The following SETD7 variants were observed in gnomAD, a reference collection of about 807,000 sequenced individuals.
The protein encoded by SETD7 is SET domain containing 7, histone lysine methyltransferase.
A neutral mutation model predicts 41.8 loss-of-function variants in SETD7; 16 were observed. The ratio of observed to expected loss-of-function variants is 0.38; its 90% CI spans 0.26 to 0.58. SETD7 has a LOEUF of 0.58. SETD7 is among the 20% of genes least tolerant of loss of function. The pLI is 0.64. For synonymous variants in SETD7, 163 were observed against 169.7 expected (o/e 0.96, Z 0.31); for missense variants, 346 against 459.7 (o/e 0.75, Z 2.26).
intron 7 of SETD7, among the ~76,000 whole-genome samples, chr4:139,500,342 C>A (rs1726545487): frequency 6.6e-6 from 1 of 152,186 alleles, no homozygotes; most frequent in South Asian, 2.1e-4. Context: ...CCCACTCCAG[C>A]CTATTCTCAG....
Position 139,529,200 on chromosome 4 carries a change from T to A in SETD7, c.393A>T (p.Gly131=). ...IYYPDGGSLV[G]EVNEDGEMTG... ...TCATCTCCCCATCTTCATTTACTTC[T>A]CCTACAAGGCTTCCTCCATCCTGAT... The change falls in exon 4 of 8, where the codon GGA becomes GGT. Residue 131 remains glycine, a synonymous_variant. Transcript: ENST00000274031. 1 of 1,613,348 alleles carries A rather than the reference T, an allele frequency of 6.2e-7. No homozygotes were observed. The highest frequency in any genetic ancestry group is 1.1e-5 in the South Asian group (1 of 90,956).
In SETD7 at chr4:139,556,114, C is replaced by T; in HGVS notation, c.24G>A (p.Val8=). 6.2e-7 allele frequency: 1 copy of T among 1,604,968 alleles called. No individual in the cohort carries two copies. The highest frequency in any genetic ancestry group is 8.5e-7 in the Non-Finnish European group (1 of 1,176,292). MDSDDEM[V]EEAVEGHLDD... The stretch of plus-strand genomic sequence containing the variant: ...TGCTTGTACCTTCCACCGCCTCCTC[C>T]ACCATCTCGTCGTCGCTATCCATGG... The change falls in exon 1 of 8, where the codon GTG becomes GTA. Residue 8 remains valine, a synonymous_variant. Transcript: ENST00000274031.
chr4:139,546,741 T>C, intron 2 of SETD7, 179 bp downstream of exon 2: 3 of 755,894 alleles, frequency 4.0e-6, no homozygotes, highest in South Asian at 1.6e-5. Context: ...TTAGGCTGGC[T>C]GTCCCATAAC....
chr4:139,496,476 C>T, exon 8 of SETD7: 1 of 702,350 alleles, frequency 1.4e-6, no homozygotes, highest in Non-Finnish European at 2.6e-6. Flanking sequence ...GGAGTGGAGC[C>T]CCAAATCTGC....
chr4:139,531,770 C>T (rs972847490), intron 3 of SETD7, among the ~76,000 whole-genome samples: 1 of 152,118 alleles, frequency 6.6e-6, no homozygotes, highest in African/African-American at 2.4e-5. Context: ...TTTATTAGCA[C>T]TTTTTAATCA....
intron 4 of SETD7, among the ~76,000 whole-genome samples, chr4:139,528,195 C>G (rs1438477349): frequency 1.3e-5 from 2 of 152,130 alleles, no homozygotes; most frequent in Non-Finnish European, 2.9e-5. Context: ...ATTTTATACT[C>G]AGAAAAAATG....
downstream of SETD7, among the ~76,000 whole-genome samples, chr4:139,504,680 T>A (rs1322658654): frequency 6.6e-6 from 1 of 152,192 alleles, no homozygotes; most frequent in African/African-American, 2.4e-5. Flanking sequence ...TCTGAATGAT[T>A]CCAAACATTT....
rs78942805 is a variant in SETD7 at position 139,555,977 on chromosome 4, C to A, written c.40+121G>T. 8.5e-3 allele frequency: 7,748 copies of A among 909,666 alleles called. 472 individuals are homozygous for A. The African/African-American group carries it at 0.12, about 14-fold the overall frequency. The allele number at this position is 909,666 out of a possible 1,614,324, so 56.3% of individuals were successfully genotyped here. The stretch of plus-strand genomic sequence containing the variant: ...CCCCCGCCCGAGCCGGGCAACCGGC[C>A]ACCCGTGTAGGGGACAGTGGCGGCC... On this transcript the variant is annotated intron_variant, in intron 1 of 7. Coordinates refer to ENST00000274031, the MANE Select transcript of SETD7 (RefSeq NM_030648.4). The surrounding 1 kb of genome is among the most constrained non-coding windows in gnomAD (Gnocchi z 4.0).
intron 2 of SETD7, among the ~76,000 whole-genome samples, chr4:139,536,115 G>A (rs1028906755): frequency 1.7e-4 from 26 of 152,244 alleles, no homozygotes; most frequent in Non-Finnish European, 1.5e-4. Flanking sequence ...AGCAGAGACC[G>A]TATGTGGCCC....
Position 139,510,896 on chromosome 4 carries a change from T to C in SETD7, c.*767A>G, listed in dbSNP as rs996566409. The C allele has an allele frequency of 1.3e-5, 2 of 152,628 alleles. No individual in the cohort carries two copies. Among genetic ancestry groups the C allele is most frequent in the Admixed American group, 6.5e-5 (1 of 15,268 alleles). 9.5% of individuals were successfully genotyped at this position (152,628 alleles called of 1,614,324 possible). ...CAAAGTAAATTCATTTCTTCTCACA[T>C]CTTAAAGCAAAGATATCTTTGTTTA... On this transcript the variant is annotated 3_prime_UTR_variant, in exon 8 of 8. Transcript: ENST00000274031.
At chr4:139,515,015 A>T (rs112872482) in intron 7 of SETD7, among the ~76,000 whole-genome samples, 89 of 152,174 alleles carry the variant, frequency 5.8e-4, no homozygotes, top group African/African-American at 2.0e-3. Flanking sequence ...AAAATACAAA[A>T]ATCAGCCAGG....
chr4:139,536,578 A>G (rs1346783136), intron 2 of SETD7, among the ~76,000 whole-genome samples: 4 of 151,446 alleles, frequency 2.6e-5, no homozygotes, highest in African/African-American at 9.7e-5. Flanking sequence ...CAGGGGTGGT[A>G]GCACATGCTT....
chr4:139,496,609 A>G (rs1026257416), intron 7 of SETD7: 24 of 626,824 alleles, frequency 3.8e-5, no homozygotes, highest in Admixed American at 2.5e-4. Flanking sequence ...AAAGCCAGAA[A>G]GGAGACTTTT....
chr4:139,550,051 T>TA (rs1164627191), intron 1 of SETD7, among the ~76,000 whole-genome samples: 4 of 152,040 alleles, frequency 2.6e-5, no homozygotes, highest in Admixed American at 1.3e-4. Context: ...AACGGCTAAT[T>TA]AAAAATTTTT....
At chr4:139,516,568 C>A (rs1432664109) in intron 7 of SETD7, among the ~76,000 whole-genome samples, 1 of 151,486 alleles carries the variant, frequency 6.6e-6, no homozygotes, top group East Asian at 1.9e-4. Context: ...TTGTCTGGAC[C>A]TTTGTGGATA....
chr4:139,534,770 T>A (rs771759123), intron 2 of SETD7, among the ~76,000 whole-genome samples: 5 of 152,146 alleles, frequency 3.3e-5, no homozygotes, highest in African/African-American at 4.8e-5. Flanking sequence ...AGACACACTG[T>A]GAACTGGAGC....
At chr4:139,498,208 G>A (rs1157741574) in intron 7 of SETD7, among the ~76,000 whole-genome samples, 4 of 152,158 alleles carry the variant, frequency 2.6e-5, no homozygotes, top group Admixed American at 2.0e-4. Flanking sequence ...GGGCTCTGGA[G>A]GGACTGCCCC....
rs1383461139 is a variant in SETD7, at chr4:139,523,260, T to C, written c.644+94A>G. 3 of 864,692 alleles carry C rather than the reference T, an allele frequency of 3.5e-6. No individual in the cohort carries two copies. In the African/African-American group the frequency reaches 5.0e-5, roughly 15 times the overall value. The allele number at this position is 864,692 out of a possible 1,614,324, so 53.6% of individuals were successfully genotyped here. A position where few individuals can be genotyped will look rare whatever the true frequency, so the allele number is the denominator to read the frequency against. ...GCTTGGTCTGAGCTGGAACCCAGCC[T>C]GGGCAGAGAGCCAAAGAGGTGCATA... On this transcript the variant is annotated intron_variant, in intron 5 of 7. Transcript: ENST00000274031.
chr4:139,519,880 C>A (rs1431291686), intron 6 of SETD7, among the ~76,000 whole-genome samples: 1 of 152,140 alleles, frequency 6.6e-6, no homozygotes, highest in Non-Finnish European at 1.5e-5. Context: ...ATTTTTTTGA[C>A]AAAAGAACTC....
Sources: gnomAD v4.1 joint callset for allele counts (sites outside exome capture counted in the v4.1 genomes callset) on GRCh38, gnomAD v4.1.1 for gene constraint, Gnocchi (gnomAD v3.1) non-coding constraint, MANE v1.5 for transcripts, NCBI Gene and HGNC (gene_info 2026-07-23, HGNC 2026-07-21) for gene names.